The following GPC3 variants were observed in gnomAD, a reference collection of about 807,000 sequenced individuals.
GPC3 encodes glypican 3.
GPC3 carries 3 observed loss-of-function variants against 34.4 expected under a neutral mutation model. The ratio of observed to expected loss-of-function variants is 0.09; its 90% CI spans 0.04 to 0.23. The LOEUF (loss-of-function observed/expected upper bound fraction) is 0.23, where lower values mean the gene tolerates loss of function less well. Ranked by LOEUF, GPC3 falls within the 10% of genes least tolerant of loss-of-function variation. The probability of loss-of-function intolerance (pLI) is 1.00; values close to 1 mark genes in which losing one functional copy is unlikely to be tolerated. For missense variants in GPC3, 351 were observed against 445.6 expected, an observed-to-expected ratio of 0.79 and a Z score of 1.91; for synonymous variants, 177 against 174.0, an observed-to-expected ratio of 1.02 and a Z score of -0.13.
intron 2 of GPC3, among the ~76,000 whole-genome samples, chrX:133,822,259 T>A (rs767576490): frequency 8.9e-6 from 1 of 112,050 alleles, no homozygotes; most frequent in East Asian, 2.8e-4. Flanking sequence ...AGTTATCAGA[T>A]CCACTGTCAC....
At chrX:133,805,343 C>G (rs1260428309) in intron 2 of GPC3, among the ~76,000 whole-genome samples, 1 of 111,476 alleles carries the variant, frequency 9.0e-6, no homozygotes, top group African/African-American at 3.3e-5. Context: ...CCTGGAACTC[C>G]CTCTTCCAGA....
chrX:133,592,568 C>T (rs1183179024), intron 7 of GPC3, among the ~76,000 whole-genome samples: 1 of 110,139 alleles, frequency 9.1e-6, no homozygotes, highest in Non-Finnish European at 1.9e-5. Context: ...TAATAGGTTG[C>T]CAGGCTCTGA....
intron 3 of GPC3, among the ~76,000 whole-genome samples, chrX:133,733,490 G>C (rs1238401226): frequency 9.0e-6 from 1 of 110,905 alleles, no homozygotes; most frequent in Admixed American, 9.6e-5. Flanking sequence ...ACACTAGAAA[G>C]AAGAGCACAT....
At chrX:133,575,804 A>G (rs1279681393) in intron 7 of GPC3, among the ~76,000 whole-genome samples, 2 of 111,915 alleles carry the variant, frequency 1.8e-5, no homozygotes, top group Non-Finnish European at 3.8e-5. Flanking sequence ...TCTCCTAAGC[A>G]CATATAGTGA....
At position 133,536,266 on chromosome X, in the gene GPC3, T is replaced by C. The variant is rs755823884; in HGVS notation, c.1601A>G (p.Asp534Gly). The C allele has an allele frequency of 5.0e-6, 6 of 1,205,359 alleles. No individual in the cohort carries two copies. In the Admixed American group the frequency reaches 1.3e-4, roughly 26 times the overall value. The change falls in exon 8 of 8, where the codon GAT becomes GGT. Residue 534 changes from aspartate to glycine, a missense_variant. By Grantham distance (94) the Asp-to-Gly change is moderately conservative (BLOSUM62 -1). Transcript: ENST00000370818. ...AELAYDLDVD[D>G]APGNSQQATP... The stretch of plus-strand genomic sequence containing the variant: ...TGCCTGCTGACTGTTTCCAGGCGCA[T>C]CATCCACATCCAGATCATAGGCCAG...
At chrX:133,811,325 A>G (rs1383852358) in intron 2 of GPC3, among the ~76,000 whole-genome samples, 4 of 112,170 alleles carry the variant, frequency 3.6e-5, no homozygotes, top group Non-Finnish European at 7.5e-5. Flanking sequence ...AAACAGTGAA[A>G]TAAGAAACAA....
At chrX:133,592,745 A>G (rs1474902258) in intron 7 of GPC3, among the ~76,000 whole-genome samples, 2 of 110,899 alleles carry the variant, frequency 1.8e-5, no homozygotes, top group South Asian at 3.9e-4. Context: ...AACACCTAGC[A>G]TATGCTAGAT....
At chrX:133,865,760 C>T (rs1483841004) in intron 2 of GPC3, among the ~76,000 whole-genome samples, 14 of 111,987 alleles carry the variant, frequency 1.3e-4, no homozygotes, top group Non-Finnish European at 1.9e-5. Flanking sequence ...GGCATTAAGT[C>T]TGAAGCACAA....
At chrX:133,578,908 C>T (rs1013139569) in intron 7 of GPC3, among the ~76,000 whole-genome samples, 2 of 109,838 alleles carry the variant, frequency 1.8e-5, no homozygotes, top group African/African-American at 6.7e-5. Context: ...GCTAATGGCC[C>T]ATATGTTGTG....
chrX:133,743,005 C>A (rs1202672232), intron 3 of GPC3, among the ~76,000 whole-genome samples: 1 of 112,324 alleles, frequency 8.9e-6, no homozygotes, highest in Non-Finnish European at 1.9e-5. Flanking sequence ...AGAAAGCAGC[C>A]TTGCTGGATT....
intron 6 of GPC3, among the ~76,000 whole-genome samples, chrX:133,647,508 G>A (rs1751444327): frequency 8.9e-6 from 1 of 112,716 alleles, no homozygotes; most frequent in Non-Finnish European, 1.9e-5. Context: ...TATAACATGT[G>A]TAAAGTTCTT....
intron 7 of GPC3, among the ~76,000 whole-genome samples, chrX:133,563,178 GA>G (rs1187719043): frequency 1.8e-5 from 2 of 110,379 alleles, no homozygotes; most frequent in Middle Eastern, 4.7e-3. Flanking sequence ...CACTTGAGGG[GA>G]AAAAAAAGGC....
chrX:133,821,949 C>A (rs1168004073), intron 2 of GPC3, among the ~76,000 whole-genome samples: 1 of 111,832 alleles, frequency 8.9e-6, no homozygotes, highest in Non-Finnish European at 1.9e-5. Context: ...TAACGGTATA[C>A]TGCAGAGTCT....
chrX:133,744,035 C>T (rs1232667519), intron 3 of GPC3, among the ~76,000 whole-genome samples: 9 of 111,998 alleles, frequency 8.0e-5, no homozygotes, highest in Non-Finnish European at 1.3e-4. Context: ...AAGACTTAAA[C>T]GTAAAACCTA....
At chrX:133,592,687 A>T (rs1310667672) in intron 7 of GPC3, among the ~76,000 whole-genome samples, 1 of 111,050 alleles carries the variant, frequency 9.0e-6, no homozygotes, top group African/African-American at 3.3e-5. Context: ...GTAACTATGG[A>T]CTGAGATGGC....
chrX:133,834,052 T>G (rs2075788803), intron 2 of GPC3, among the ~76,000 whole-genome samples: 1 of 112,590 alleles, frequency 8.9e-6, no homozygotes, highest in Non-Finnish European at 1.9e-5. Context: ...TTCATGTCAT[T>G]AAATCTTCTC....
chrX:133,642,457 C>T (rs2070489755), intron 6 of GPC3, among the ~76,000 whole-genome samples: 2 of 111,216 alleles, frequency 1.8e-5, no homozygotes, highest in Non-Finnish European at 3.8e-5. Context: ...GAAAATATGA[C>T]GACTGAAGGG....
intron 7 of GPC3, among the ~76,000 whole-genome samples, chrX:133,563,297 C>G (rs1018604681): frequency 4.5e-5 from 5 of 111,265 alleles, no homozygotes; most frequent in African/African-American, 1.3e-4. Context: ...TGGCGTTGAT[C>G]ATGGCTCACT....
In GPC3 at chrX:133,708,631, C is replaced by A. The variant is rs190620357; in HGVS notation, c.1033-8603G>T. On this transcript the variant is annotated intron_variant, in intron 3 of 7. Coordinates refer to ENST00000370818, the MANE Select transcript of GPC3 (RefSeq NM_004484.4). Reference sequence around the variant, plus strand: ...TGTACCCTCTAATCTGTAATAAAAGCTGAAACTATTTAAAAAAGAAATAAA... The same window carrying A: ...TGTACCCTCTAATCTGTAATAAAAGATGAAACTATTTAAAAAAGAAATAAA... 4.5e-5 allele frequency among the ~76,000 whole-genome samples: 5 copies of A among 111,801 alleles called. No individual in the cohort carries two copies. The East Asian group carries it at 1.1e-3, about 25-fold the overall frequency.
Sources: allele counts gnomAD v4.1 joint callset (sites outside exome capture counted in the v4.1 genomes callset), GRCh38; gene constraint gnomAD v4.1.1; transcripts MANE v1.5; gene names NCBI Gene and HGNC (gene_info 2026-07-23, HGNC 2026-07-21).